Variants in ZNF475 observed in about 807,000 individuals in gnomAD.
ZNF475 encodes the protein zinc finger protein 475.
chr5:122,167,194 G>A, the ZNF475 span, among the ~76,000 whole-genome samples: 2 of 152,334 alleles, frequency 1.3e-5, no homozygotes, highest in Non-Finnish European at 2.9e-5. Flanking sequence ...TGCCATGCAC[G>A]TGGGTGCAGA....
chr5:122,167,607 A>T, the ZNF475 span, among the ~76,000 whole-genome samples: 1 of 152,194 alleles, frequency 6.6e-6, no homozygotes, highest in Non-Finnish European at 1.5e-5. Flanking sequence ...GCAATGCAAA[A>T]ATACTCCACT....
the ZNF475 span, among the ~76,000 whole-genome samples, chr5:122,170,817 C>G: frequency 0.29 from 44,708 of 151,964 alleles, 10,398 homozygotes; most frequent in African/African-American, 0.64. Context: ...GCTGTCTGGG[C>G]GGTCCTAGCC....
chr5:122,170,061 G>T, the ZNF475 span, among the ~76,000 whole-genome samples: 5 of 152,270 alleles, frequency 3.3e-5, no homozygotes, highest in East Asian at 9.6e-4. Context: ...GTATTTAACT[G>T]ATATGTATTC....
chr5:122,160,444 A>C, the ZNF475 span, among the ~76,000 whole-genome samples: 1 of 152,228 alleles, frequency 6.6e-6, no homozygotes, highest in African/African-American at 2.4e-5. Flanking sequence ...TTTAAAGGAT[A>C]ATACTCACCT....
At chr5:122,176,642 A>G in the ZNF475 span, among the ~76,000 whole-genome samples, 1 of 152,140 alleles carries the variant, frequency 6.6e-6, no homozygotes, top group Non-Finnish European at 1.5e-5. Context: ...GAGTATACAC[A>G]GACGGTCCCT....
the ZNF475 span, among the ~76,000 whole-genome samples, chr5:122,182,338 C>T: frequency 6.6e-6 from 1 of 152,208 alleles, no homozygotes; most frequent in Non-Finnish European, 1.5e-5. Context: ...TTAAAATACT[C>T]AGTCAACAGG....
the ZNF475 span, among the ~76,000 whole-genome samples, chr5:122,177,778 G>A: frequency 6.6e-6 from 1 of 151,906 alleles, no homozygotes; most frequent in African/African-American, 2.4e-5. Context: ...TAAGTTCTGG[G>A]ATACGTGTGC....
the ZNF475 span, among the ~76,000 whole-genome samples, chr5:122,170,044 C>T: frequency 6.6e-6 from 1 of 152,166 alleles, no homozygotes; most frequent in East Asian, 1.9e-4. Context: ...TATGTTTCAT[C>T]ATACAAGTAT....
chr5:122,172,842 G>A, the ZNF475 span, among the ~76,000 whole-genome samples: 1 of 152,058 alleles, frequency 6.6e-6, no homozygotes, highest in East Asian at 1.9e-4. Context: ...GACCACCCTG[G>A]CTATCACGGT....
the ZNF475 span, among the ~76,000 whole-genome samples, chr5:122,160,541 G>A: frequency 6.6e-6 from 1 of 152,138 alleles, no homozygotes; most frequent in Non-Finnish European, 1.5e-5. Flanking sequence ...GAGACACTGT[G>A]ATAGATACAA....
chr5:122,161,538 TC>T, the ZNF475 span, among the ~76,000 whole-genome samples: 2 of 152,200 alleles, frequency 1.3e-5, no homozygotes, highest in African/African-American at 4.8e-5. Flanking sequence ...ATAGGAAAAT[TC>T]CTTTTTTTGG....
chr5:122,168,872 A>G, the ZNF475 span, among the ~76,000 whole-genome samples: 2 of 152,086 alleles, frequency 1.3e-5, no homozygotes, highest in African/African-American at 4.8e-5. Context: ...TGACTGATGC[A>G]GCTCTCTTAT....
chr5:122,179,672 G>A, the ZNF475 span: 3 of 1,534,876 alleles, frequency 2.0e-6, no homozygotes, highest in Admixed American at 3.9e-5. Flanking sequence ...AAAACAACTT[G>A]TTGCCTAAAG....
chr5:122,163,880 C>A, the ZNF475 span, among the ~76,000 whole-genome samples: 4 of 152,034 alleles, frequency 2.6e-5, no homozygotes, highest in African/African-American at 9.7e-5. Context: ...TTGTCAAGTT[C>A]TGTTGTAATT....
At chr5:122,166,586 T>C in the ZNF475 span, among the ~76,000 whole-genome samples, 1 of 151,982 alleles carries the variant, frequency 6.6e-6, no homozygotes, top group Non-Finnish European at 1.5e-5. Context: ...AGTGAGAACA[T>C]GCGGTGTTTG....
chr5:122,174,077 C>T, the ZNF475 span, among the ~76,000 whole-genome samples: 2 of 152,222 alleles, frequency 1.3e-5, no homozygotes, highest in African/African-American at 4.8e-5. Context: ...CTCAGCCACC[C>T]TTCCACTGCC....
At chr5:122,175,362 C>T in the ZNF475 span, among the ~76,000 whole-genome samples, 1 of 152,132 alleles carries the variant, frequency 6.6e-6, no homozygotes, top group Non-Finnish European at 1.5e-5. Flanking sequence ...TTTTATTTCC[C>T]CAATGGAGAC....
the ZNF475 span, among the ~76,000 whole-genome samples, chr5:122,166,200 T>C: frequency 6.6e-6 from 1 of 152,234 alleles, no homozygotes. Flanking sequence ...AAGGGGAGCC[T>C]TTCAGTATCC....
the ZNF475 span, among the ~76,000 whole-genome samples, chr5:122,169,427 C>T: frequency 6.6e-6 from 1 of 152,162 alleles, no homozygotes; most frequent in Non-Finnish European, 1.5e-5. Flanking sequence ...TCCCCACAAC[C>T]TCCAGCTTGG....
Sources: gnomAD v4.1 joint callset for allele counts (sites outside exome capture counted in the v4.1 genomes callset) on GRCh38, gnomAD v4.1.1 for gene constraint, MANE v1.5 for transcripts, NCBI Gene and HGNC (gene_info 2026-07-23, HGNC 2026-07-21) for gene names.